ARHGEF38: variants seen among roughly 807,000 people sequenced by gnomAD.
The protein encoded by ARHGEF38 is Rho guanine nucleotide exchange factor 38, also known as Rho guanine nucleotide exchange factor (GEF) 38.
ARHGEF38 carries 79 observed loss-of-function variants against 79.9 expected under a neutral mutation model. The observed-to-expected ratio is 0.99, with a 90% CI of 0.82 to 1.19. The LOEUF (loss-of-function observed/expected upper bound fraction) is 1.19, where lower values mean the gene tolerates loss of function less well. Among genes scored for constraint, ARHGEF38 ranks in the 50% most tolerant of loss-of-function variants. ARHGEF38 has a pLI of 0.00. For missense variants in ARHGEF38, 962 were observed against 907.2 expected (o/e 1.06, Z -0.78); for synonymous variants, 366 against 328.3 (o/e 1.11, Z -1.24).
chr4:105,637,392 T>C (rs1729441057), intron 5 of ARHGEF38, among the ~76,000 whole-genome samples: 1 of 152,138 alleles, frequency 6.6e-6, no homozygotes. Context: ...ACCAGTTCTC[T>C]CACTTTATCA....
chr4:105,581,500 T>C (rs2110440666), intron 1 of ARHGEF38, among the ~76,000 whole-genome samples: 1 of 152,362 alleles, frequency 6.6e-6, no homozygotes, highest in South Asian at 2.1e-4. Context: ...TTCTATAAAA[T>C]TTTCTTGGCT....
At chr4:105,614,630 A>G (rs1248251536) in intron 3 of ARHGEF38, among the ~76,000 whole-genome samples, 2 of 152,214 alleles carry the variant, frequency 1.3e-5, no homozygotes, top group African/African-American at 4.8e-5. Context: ...TCTTCCACAG[A>G]TAGGTTTAAA....
chr4:105,639,032 T>C (rs1452373894), intron 5 of ARHGEF38, among the ~76,000 whole-genome samples: 5 of 152,066 alleles, frequency 3.3e-5, no homozygotes, highest in Non-Finnish European at 7.4e-5. Flanking sequence ...ATATTCTCAC[T>C]ACTCTTATGT....
chr4:105,674,554 A>G (rs1731055898), intron 13 of ARHGEF38, among the ~76,000 whole-genome samples: 2 of 152,108 alleles, frequency 1.3e-5, no homozygotes, highest in South Asian at 4.1e-4. Context: ...TAAAAATACT[A>G]AAAAGGAGAC....
At chr4:105,591,688 T>G (rs1416360440) in intron 2 of ARHGEF38, among the ~76,000 whole-genome samples, 1 of 152,212 alleles carries the variant, frequency 6.6e-6, no homozygotes, top group Non-Finnish European at 1.5e-5. Context: ...GGAAGTCATC[T>G]TCAGTTTGCC....
intron 13 of ARHGEF38, among the ~76,000 whole-genome samples, chr4:105,672,922 A>T (rs1028486030): frequency 5.9e-5 from 9 of 152,238 alleles, no homozygotes; most frequent in African/African-American, 2.2e-4. Flanking sequence ...GGCAGTTTAC[A>T]ACATGGCTGT....
chr4:105,673,322 G>A (rs1218665425), intron 13 of ARHGEF38, among the ~76,000 whole-genome samples: 1 of 152,098 alleles, frequency 6.6e-6, no homozygotes, highest in Non-Finnish European at 1.5e-5. Context: ...TCTCAAAAAG[G>A]ACTAGGTTTA....
At chr4:105,595,301 G>A (rs1727530762) in intron 2 of ARHGEF38, among the ~76,000 whole-genome samples, 1 of 151,946 alleles carries the variant, frequency 6.6e-6, no homozygotes, top group Admixed American at 6.6e-5. Flanking sequence ...TATTTATTTT[G>A]AATTTACTCA....
chr4:105,653,703 T>C (rs1730206358), intron 7 of ARHGEF38, among the ~76,000 whole-genome samples: 1 of 152,210 alleles, frequency 6.6e-6, no homozygotes, highest in Admixed American at 6.5e-5. Context: ...AGTCAATAGA[T>C]CAAATGTGGC....
At chr4:105,560,092 G>T (rs1462687862) in intron 1 of ARHGEF38, among the ~76,000 whole-genome samples, 1 of 152,172 alleles carries the variant, frequency 6.6e-6, no homozygotes, top group African/African-American at 2.4e-5. Context: ...GATGGTTGCA[G>T]CACATGTTTT....
At chr4:105,653,190 A>C (rs995025833) in intron 7 of ARHGEF38, among the ~76,000 whole-genome samples, 4 of 152,228 alleles carry the variant, frequency 2.6e-5, no homozygotes, top group South Asian at 2.1e-4. Flanking sequence ...ATGGATGTAC[A>C]TGTAAGATGA....
At chr4:105,639,133 CTGT>C (rs1315122525) in intron 5 of ARHGEF38, among the ~76,000 whole-genome samples, 2 of 151,596 alleles carry the variant, frequency 1.3e-5, no homozygotes, top group Non-Finnish European at 2.9e-5. Context: ...AAATAGTATC[CTGT>C]TATTTTAATT....
chr4:105,629,960 A>G (rs1391490880), intron 3 of ARHGEF38, among the ~76,000 whole-genome samples: 1 of 152,214 alleles, frequency 6.6e-6, no homozygotes, highest in Non-Finnish European at 1.5e-5. Context: ...GAGCCTCAGG[A>G]AATATTAGTG....
intron 1 of ARHGEF38, among the ~76,000 whole-genome samples, chr4:105,572,807 C>T (rs1350905305): frequency 2.0e-5 from 3 of 152,124 alleles, no homozygotes; most frequent in Admixed American, 2.0e-4. Context: ...ACTTGGGTTG[C>T]TTCCATGCTT....
chr4:105,631,234 G>A (rs1213965604), intron 4 of ARHGEF38, 189 bp downstream of exon 4: 28 of 1,246,340 alleles, frequency 2.2e-5, no homozygotes, highest in East Asian at 9.8e-5. Context: ...TTCCCCCTGC[G>A]AGAATGACTA....
At chr4:105,553,038 AAC>A (rs1725072788) in intron 1 of ARHGEF38, 77 bp downstream of exon 1, 4 of 1,219,692 alleles carry the variant, frequency 3.3e-6, no homozygotes, top group Non-Finnish European at 4.5e-6. Context: ...TTGCAAAGAA[AAC>A]ACACAAGGCA....
intron 1 of ARHGEF38, among the ~76,000 whole-genome samples, chr4:105,586,510 T>C (rs1011155441): frequency 4.6e-5 from 7 of 152,182 alleles, no homozygotes; most frequent in Non-Finnish European, 8.8e-5. Context: ...AAATCTGATG[T>C]AGTACATTTT....
intron 7 of ARHGEF38, among the ~76,000 whole-genome samples, chr4:105,652,260 C>T (rs1730134782): frequency 6.6e-6 from 1 of 152,094 alleles, no homozygotes; most frequent in Non-Finnish European, 1.5e-5. Flanking sequence ...GTAAGGATTA[C>T]AATGAGAAAA....
intron 5 of ARHGEF38, among the ~76,000 whole-genome samples, chr4:105,641,156 TTG>T (rs1729601796): frequency 1.3e-5 from 2 of 152,142 alleles, no homozygotes; most frequent in South Asian, 4.1e-4. Flanking sequence ...TTCTATTCTT[TTG>T]TGTGTTTGTT....
Sources: allele counts gnomAD v4.1 joint callset (sites outside exome capture counted in the v4.1 genomes callset), GRCh38; gene constraint gnomAD v4.1.1; transcripts MANE v1.5; gene names NCBI Gene and HGNC (gene_info 2026-07-23, HGNC 2026-07-21).